LRP1B: variants seen among roughly 807,000 people sequenced by gnomAD.
LRP1B encodes the protein LDL receptor related protein 1B, also known as low-density lipoprotein receptor-related protein 1B.
Under a neutral mutation model 556.6 loss-of-function variants are expected in LRP1B, and 217 were observed. The observed-to-expected ratio is 0.39, with a 90% CI of 0.35 to 0.44. The LOEUF (loss-of-function observed/expected upper bound fraction) is 0.44. Among genes scored for constraint, LRP1B ranks in the 20% least tolerant of loss-of-function variants. The pLI is 1.00. For synonymous variants in LRP1B, 2,047 were observed against 1,865.8 expected (o/e 1.10, Z -2.50); for missense variants, 5,053 against 5,620.8 (o/e 0.90, Z 3.23).
intron 1 of LRP1B, among the ~76,000 whole-genome samples, chr2:141,943,117 A>C (rs904945091): frequency 6.6e-6 from 1 of 152,248 alleles, no homozygotes; most frequent in Non-Finnish European, 1.5e-5. Context: ...TAATGAAAAT[A>C]AGTAGCTAAG....
At chr2:141,624,020 AAAAAAAAAAATTAAAC>A (rs1367688070) in intron 2 of LRP1B, among the ~76,000 whole-genome samples, 1 of 124,964 alleles carries the variant, frequency 8.0e-6, no homozygotes, top group Non-Finnish European at 1.7e-5. Context: ...CAACTCAAAA[AAAAAAAAAAATTAAAC>A]AAAAAAAAAA....
At chr2:140,282,993 G>T (rs917966221) in intron 84 of LRP1B, among the ~76,000 whole-genome samples, 1 of 151,634 alleles carries the variant, frequency 6.6e-6, no homozygotes, top group Non-Finnish European at 1.5e-5. Context: ...ATCTAATTTC[G>T]GATGAGGACA....
At chr2:141,927,534 C>G (rs539845339) in intron 1 of LRP1B, among the ~76,000 whole-genome samples, 12 of 152,028 alleles carry the variant, frequency 7.9e-5, no homozygotes, top group African/African-American at 2.9e-4. Flanking sequence ...GTGGTAAGTA[C>G]CTGTAGGCAT....
chr2:140,933,077 T>C (rs1019822234), intron 20 of LRP1B, among the ~76,000 whole-genome samples: 2 of 152,044 alleles, frequency 1.3e-5, no homozygotes, highest in Non-Finnish European at 2.9e-5. Flanking sequence ...AAAAAGGTTT[T>C]GGATGTACAT....
At chr2:140,745,407 T>A (rs186978735) in intron 35 of LRP1B, among the ~76,000 whole-genome samples, 1 of 152,184 alleles carries the variant, frequency 6.6e-6, no homozygotes, top group East Asian at 1.9e-4. Context: ...AGGAAAAGAG[T>A]CAATCTAATT....
intron 6 of LRP1B, among the ~76,000 whole-genome samples, chr2:141,222,358 T>C (rs879218707): frequency 6.6e-6 from 1 of 152,078 alleles, no homozygotes; most frequent in African/African-American, 2.4e-5. Flanking sequence ...AATCCCTGAA[T>C]AATGAATTCT....
chr2:140,403,232 C>T (rs1684584948), intron 66 of LRP1B, among the ~76,000 whole-genome samples: 1 of 152,080 alleles, frequency 6.6e-6, no homozygotes, highest in Non-Finnish European at 1.5e-5. Context: ...AAACAAGGTT[C>T]TCTAACACAC....
chr2:140,278,981 T>A lies in LRP1B; in HGVS notation c.12968-4383A>T, dbSNP rs532205489. ...TTGAAGCATGTGGAAGCTGCTGAGT[T>A]AGATGTTTGACTGGACTGTGTTCTG... On this transcript the variant is annotated intron_variant, in intron 84 of 90. Coordinates refer to ENST00000389484, the MANE Select transcript of LRP1B (RefSeq NM_018557.3). Among the ~76,000 whole-genome samples, 12 of 152,066 alleles carry A rather than the reference T, an allele frequency of 7.9e-5. 1 individual carries two copies. The highest frequency in any genetic ancestry group is 2.9e-4 in the African/African-American group (12 of 41,536).
intron 66 of LRP1B, among the ~76,000 whole-genome samples, chr2:140,390,160 A>C (rs978277953): frequency 1.1e-4 from 17 of 152,082 alleles, no homozygotes; most frequent in African/African-American, 4.1e-4. Context: ...AAAAATGGAA[A>C]TGCAAAGGTT....
intron 11 of LRP1B, among the ~76,000 whole-genome samples, chr2:141,042,703 T>C (rs942062789): frequency 6.6e-6 from 1 of 152,100 alleles, no homozygotes; most frequent in African/African-American, 2.4e-5. Flanking sequence ...TATGGGACAA[T>C]GAACATAACG....
At chr2:140,753,406 A>G (rs1368335827) in intron 35 of LRP1B, among the ~76,000 whole-genome samples, 1 of 152,194 alleles carries the variant, frequency 6.6e-6, no homozygotes, top group Non-Finnish European at 1.5e-5. Context: ...TTGATCTCAC[A>G]TTTCCTATAC....
chr2:140,562,808 G>T (rs1430510054), intron 43 of LRP1B, among the ~76,000 whole-genome samples: 2 of 151,880 alleles, frequency 1.3e-5, no homozygotes, highest in Non-Finnish European at 2.9e-5. Flanking sequence ...TAGAGATAGG[G>T]TTTCACCATG....
At chr2:140,956,043 A>G (rs971930523) in intron 18 of LRP1B, among the ~76,000 whole-genome samples, 38 of 151,786 alleles carry the variant, frequency 2.5e-4, no homozygotes, top group African/African-American at 8.9e-4. Flanking sequence ...ATTAATGACA[A>G]GATAAGAATA....
At chr2:141,020,623 C>T (rs1265363872) in intron 11 of LRP1B, among the ~76,000 whole-genome samples, 1 of 151,996 alleles carries the variant, frequency 6.6e-6, no homozygotes, top group Non-Finnish European at 1.5e-5. Flanking sequence ...CCAGGACAGG[C>T]TTTCATCCCA....
chr2:140,522,037 GA>G (rs762526168), intron 49 of LRP1B, among the ~76,000 whole-genome samples: 1 of 151,992 alleles, frequency 6.6e-6, no homozygotes, highest in Non-Finnish European at 1.5e-5. Context: ...CAATGAGGCA[GA>G]AAACTAACAA....
At chr2:140,765,976 C>T (rs1237015591) in intron 35 of LRP1B, among the ~76,000 whole-genome samples, 3 of 151,820 alleles carry the variant, frequency 2.0e-5, no homozygotes, top group African/African-American at 7.3e-5. Context: ...AACAAACCTG[C>T]ACATTGTGCA....
intron 31 of LRP1B, among the ~76,000 whole-genome samples, chr2:140,818,449 C>T (rs896630053): frequency 1.3e-5 from 2 of 152,112 alleles, no homozygotes; most frequent in African/African-American, 4.8e-5. Context: ...CTAAATACCC[C>T]AAAATGAACA....
At chr2:141,823,780 C>T (rs988664938) in intron 1 of LRP1B, among the ~76,000 whole-genome samples, 3 of 152,246 alleles carry the variant, frequency 2.0e-5, no homozygotes, top group African/African-American at 7.2e-5. Flanking sequence ...GCAATCCTTC[C>T]GTGTCAGCCT....
rs182702799 is a variant in LRP1B at position 141,482,805 on chromosome 2, T to C, written c.206-2272A>G. Among the ~76,000 whole-genome samples the C allele has an allele frequency of 1.2e-3, 190 of 152,248 alleles. 3 individuals are homozygous for C. Among genetic ancestry groups the C allele is most frequent in the Non-Finnish European group, 8.8e-5 (6 of 68,022 alleles). ...ATGTCCAAGAAATGTTTAGGCCAGT[T>C]ATATTTAGACCTTTCTGTAAAAGTT... is the stretch of plus-strand genomic sequence containing the variant. On this transcript the variant is annotated intron_variant, in intron 2 of 90. Coordinates refer to ENST00000389484, the MANE Select transcript of LRP1B (RefSeq NM_018557.3).
Sources: allele counts gnomAD v4.1 joint callset (sites outside exome capture counted in the v4.1 genomes callset), GRCh38; gene constraint gnomAD v4.1.1; transcripts MANE v1.5; gene names NCBI Gene and HGNC (gene_info 2026-07-23, HGNC 2026-07-21).